SGCZ: variants seen among roughly 807,000 people sequenced by gnomAD.
The protein encoded by SGCZ is sarcoglycan zeta.
In SGCZ, 40 loss-of-function variants were observed where a neutral mutation model predicts 41.3. The ratio of observed to expected loss-of-function variants is 0.97; its 90% CI spans 0.75 to 1.26. The LOEUF (loss-of-function observed/expected upper bound fraction) is 1.26. Among genes scored for constraint, SGCZ ranks in the 50% most tolerant of loss-of-function variants. The pLI is 0.00. For missense variants in SGCZ, 552 were observed against 369.8 expected, an observed-to-expected ratio of 1.49 and a Z score of -4.04; for synonymous variants, 206 against 137.5, an observed-to-expected ratio of 1.50 and a Z score of -3.49.
intron 1 of SGCZ, among the ~76,000 whole-genome samples, chr8:15,233,875 T>C (rs1802039882): frequency 6.6e-6 from 1 of 152,104 alleles, no homozygotes; most frequent in Admixed American, 6.5e-5. Context: ...AAATCTAGGA[T>C]CTAACTTGAC....
At position 15,203,637 on chromosome 8, in the gene SGCZ, T is replaced by C. The variant is rs139772218; in HGVS notation, c.39+33948A>G. 2.6e-3 allele frequency among the ~76,000 whole-genome samples: 395 copies of C among 152,316 alleles called. 2 individuals are homozygous for C. Among genetic ancestry groups the C allele is most frequent in the African/African-American group, 9.2e-3 (381 of 41,574 alleles). On this transcript the variant is annotated intron_variant, in intron 1 of 7. Coordinates refer to ENST00000382080, the MANE Select transcript of SGCZ (RefSeq NM_139167.4). ...ATTCATATATATCACATGGTTATTA[T>C]AGCAAGTGATAAAAAATTGAGTGCA... is the stretch of plus-strand genomic sequence containing the variant.
chr8:14,583,513 G>C (rs11778871), intron 1 of SGCZ, among the ~76,000 whole-genome samples: 33,781 of 151,072 alleles, frequency 0.22, 4,366 homozygotes, highest in Non-Finnish European at 0.3. Flanking sequence ...AGTTTAATTA[G>C]ATCCAATTTG....
chr8:14,780,130 T>G (rs1800541961), intron 1 of SGCZ, among the ~76,000 whole-genome samples: 1 of 151,554 alleles, frequency 6.6e-6, no homozygotes, highest in African/African-American at 2.4e-5. Context: ...TCCCAGCACT[T>G]TGGGAGGCAG....
chr8:14,460,536 G>C (rs1459221200), intron 2 of SGCZ, among the ~76,000 whole-genome samples: 1 of 152,114 alleles, frequency 6.6e-6, no homozygotes, highest in Non-Finnish European at 1.5e-5. Flanking sequence ...GACAGTGGGA[G>C]AGGGTCAGGC....
At chr8:14,412,247 T>C (rs150186505) in intron 2 of SGCZ, among the ~76,000 whole-genome samples, 1 of 152,218 alleles carries the variant, frequency 6.6e-6, no homozygotes, top group Admixed American at 6.6e-5. Context: ...AGTTTCCTCT[T>C]TTGGAAAAAA....
intron 1 of SGCZ, among the ~76,000 whole-genome samples, chr8:15,026,657 T>C (rs969797844): frequency 6.6e-6 from 1 of 152,170 alleles, no homozygotes. Context: ...GAGAGATTCA[T>C]TGTCCAAGCC....
At chr8:14,634,717 G>T (rs1806772148) in intron 1 of SGCZ, among the ~76,000 whole-genome samples, 1 of 151,708 alleles carries the variant, frequency 6.6e-6, no homozygotes, top group Admixed American at 6.6e-5. Context: ...GACACATACG[G>T]AAATCACAAA....
At chr8:14,473,476 T>G (rs1012159140) in intron 2 of SGCZ, among the ~76,000 whole-genome samples, 7 of 152,074 alleles carry the variant, frequency 4.6e-5, no homozygotes, top group Non-Finnish European at 8.8e-5. Context: ...TACATAACAT[T>G]AAAAAATGAA....
In SGCZ at chr8:14,337,893, G is replaced by A. The variant is rs529310302; in HGVS notation, c.235-13689C>T. Among the ~76,000 whole-genome samples, 147 of 152,236 alleles carry A rather than the reference G, an allele frequency of 9.7e-4. 1 individual carries two copies. The highest frequency in any genetic ancestry group is 3.5e-3 in the African/African-American group (144 of 41,544). ...CAACAGATATAAATAGCCAGAAGCC[G>A]GATGAACAGAATTATGGCAATGAGG... On this transcript the variant is annotated intron_variant, in intron 2 of 7. Coordinates refer to ENST00000382080, the MANE Select transcript of SGCZ (RefSeq NM_139167.4).
rs567348078 is a variant in SGCZ at position 14,251,809 on chromosome 8, G to A, written c.337-14130C>T. ...TGTGGCCTGGGATACTTTGCCTCCCGGGTTCAAGTGGTTCTCCTGCCTCAG... is the reference window on the plus strand; with the variant it reads ...TGTGGCCTGGGATACTTTGCCTCCCAGGTTCAAGTGGTTCTCCTGCCTCAG... On this transcript the variant is annotated intron_variant, in intron 3 of 7. Coordinates refer to ENST00000382080, the MANE Select transcript of SGCZ (RefSeq NM_139167.4). Among the ~76,000 whole-genome samples, 8 of 152,182 alleles carry A rather than the reference G, an allele frequency of 5.3e-5. No individual in the cohort carries two copies. The East Asian group carries it at 5.8e-4, about 11-fold the overall frequency.
At chr8:15,218,271 A>G (rs1801483059) in intron 1 of SGCZ, among the ~76,000 whole-genome samples, 1 of 152,176 alleles carries the variant, frequency 6.6e-6, no homozygotes, top group Non-Finnish European at 1.5e-5. Flanking sequence ...AGTTATTTAA[A>G]AGAATCCTAT....
At chr8:14,115,705 C>G (rs1349593484) in intron 5 of SGCZ, among the ~76,000 whole-genome samples, 1 of 151,328 alleles carries the variant, frequency 6.6e-6, no homozygotes, top group Non-Finnish European at 1.5e-5. Flanking sequence ...CCTTGATAAC[C>G]TCTATCATTA....
chr8:14,484,989 G>C (rs953686910), intron 2 of SGCZ, among the ~76,000 whole-genome samples: 23 of 152,102 alleles, frequency 1.5e-4, no homozygotes, highest in African/African-American at 5.3e-4. Flanking sequence ...ATACACTTTT[G>C]CTCACACACT....
chr8:14,209,007 G>A lies in SGCZ; in HGVS notation c.424+28585C>T, dbSNP rs528709382. On this transcript the variant is annotated intron_variant, in intron 4 of 7. Coordinates refer to ENST00000382080, the MANE Select transcript of SGCZ (RefSeq NM_139167.4). ...TGGAAGCTCTCTTGGGTGAATGCTG[G>A]TAGCTGTGCCAATAGGAAAAGGTTA... Among the ~76,000 whole-genome samples, 7 of 152,320 alleles carry A rather than the reference G, an allele frequency of 4.6e-5. No individual in the cohort carries two copies. The South Asian group carries it at 8.3e-4, about 18-fold the overall frequency.
chr8:14,092,570 G>T (rs1215235853), intron 7 of SGCZ, among the ~76,000 whole-genome samples: 2 of 151,954 alleles, frequency 1.3e-5, no homozygotes, highest in African/African-American at 2.4e-5. Flanking sequence ...GGACCCAGTG[G>T]GAGATAGTTA....
intron 4 of SGCZ, among the ~76,000 whole-genome samples, chr8:14,220,536 G>C (rs1281540063): frequency 6.6e-6 from 1 of 152,018 alleles, no homozygotes; most frequent in East Asian, 1.9e-4. Context: ...GGACGCCTTT[G>C]AGATTTGTTT....
chr8:14,261,562 G>A (rs1053379101), intron 3 of SGCZ, among the ~76,000 whole-genome samples: 2 of 152,074 alleles, frequency 1.3e-5, no homozygotes, highest in African/African-American at 2.4e-5. Context: ...TGCAAAACCA[G>A]TCTGTTCATC....
At chr8:14,790,019 G>A (rs1261173030) in intron 1 of SGCZ, among the ~76,000 whole-genome samples, 1 of 152,052 alleles carries the variant, frequency 6.6e-6, no homozygotes, top group Non-Finnish European at 1.5e-5. Context: ...AATAATAAAT[G>A]TAAATTGAAT....
chr8:14,896,740 G>C lies in SGCZ; in HGVS notation c.39+340845C>G, dbSNP rs138711111. Among the ~76,000 whole-genome samples the C allele has an allele frequency of 7.8e-3, 1,185 of 151,572 alleles. 14 individuals are homozygous for C. Among genetic ancestry groups the C allele is most frequent in the African/African-American group, 0.026 (1,094 of 41,356 alleles). On this transcript the variant is annotated intron_variant, in intron 1 of 7. Transcript: ENST00000382080. The stretch of plus-strand genomic sequence containing the variant: ...GATAAACCTGCCTCGGCCTCCCAAA[G>C]TGCTGGGATTACAGGCGTGGGCCAC...
Sources: allele counts gnomAD v4.1 joint callset (sites outside exome capture counted in the v4.1 genomes callset), GRCh38; gene constraint gnomAD v4.1.1; transcripts MANE v1.5; gene names NCBI Gene and HGNC (gene_info 2026-07-23, HGNC 2026-07-21).